HAUS4: variants seen among roughly 807,000 people sequenced by gnomAD.
HAUS4 encodes HAUS augmin-like complex subunit 4.
In HAUS4, 34 loss-of-function variants were observed where a neutral mutation model predicts 50.6. The observed-to-expected ratio is 0.67, with a 90% confidence interval of 0.51 to 0.90. HAUS4 has a LOEUF of 0.90. HAUS4 is among the 40% of genes least tolerant of loss of function. The probability of loss-of-function intolerance (pLI) is 0.00; values close to 1 mark genes in which losing one functional copy is unlikely to be tolerated. For synonymous variants in HAUS4, 149 were observed against 161.4 expected, an observed-to-expected ratio of 0.92 and a Z score of 0.58; for missense variants, 370 against 428.7, an observed-to-expected ratio of 0.86 and a Z score of 1.21.
chr14:22,955,935 G>A (rs900171346), intron 1 of HAUS4, among the ~76,000 whole-genome samples: 1 of 152,162 alleles, frequency 6.6e-6, no homozygotes, highest in Admixed American at 6.5e-5. Context: ...GATGGGCACA[G>A]TTTGACCTCA....
chr14:22,948,441 A>T (rs1171069238), intron 6 of HAUS4, among the ~76,000 whole-genome samples: 116 of 39,962 alleles, frequency 2.9e-3, no homozygotes, highest in East Asian at 0.013. Context: ...CAGAGTTTTT[A>T]AAAAAAAAAA....
rs1402854427 is a variant in HAUS4 at position 22,955,147 on chromosome 14, G to T, written c.8C>A (p.Ser3Tyr). 1 of 1,610,618 alleles carries T rather than the reference G, an allele frequency of 6.2e-7. No individual in the cohort carries two copies. Among genetic ancestry groups the T allele is most frequent in the East Asian group, 2.2e-5 (1 of 44,892 alleles). MA[S>Y]GDFCSPGEGM... ...TTCTCCAGGTGAGCAGAAATCCCCG[G>T]ATGCCATTTGATTTTCTTGGGATTC... Residue 3 changes from serine to tyrosine, a missense_variant, in exon 2 of 10, where the codon TCC becomes TAC. By Grantham distance (144) the Ser-to-Tyr change is moderately radical. Coordinates refer to ENST00000541587, the MANE Select transcript of HAUS4 (RefSeq NM_001166269.2).
intron 1 of HAUS4, among the ~76,000 whole-genome samples, chr14:22,956,561 C>T (rs908039829): frequency 3.3e-5 from 5 of 152,106 alleles, no homozygotes; most frequent in Non-Finnish European, 7.3e-5. Flanking sequence ...GGTTACAGGG[C>T]GTGAACGGCA....
intron 1 of HAUS4, among the ~76,000 whole-genome samples, chr14:22,956,399 T>C (rs1228862655): frequency 6.6e-6 from 1 of 152,252 alleles, no homozygotes; most frequent in East Asian, 1.9e-4. Context: ...CTGTTTATCG[T>C]TGATCTATGA....
intron 6 of HAUS4, chr14:22,948,225 G>T: frequency 1.9e-6 from 1 of 533,328 alleles, no homozygotes; most frequent in Non-Finnish European, 3.3e-6. Context: ...AAGGCAGGAG[G>T]ATTGCTTGAG....
chr14:22,954,976 C>G, intron 2 of HAUS4, 124 bp downstream of exon 2: 1 of 749,960 alleles, frequency 1.3e-6, no homozygotes, highest in Non-Finnish European at 2.4e-6. Flanking sequence ...CCACCCACCT[C>G]AGCCTCCCAA....
intron 6 of HAUS4, 40 bp from the exon 7 acceptor site, chr14:22,948,053 C>A (rs1329005946): frequency 6.5e-7 from 1 of 1,545,124 alleles, no homozygotes; most frequent in Non-Finnish European, 8.7e-7. Context: ...AAACCCTAAT[C>A]GCTACAATCC....
intron 4 of HAUS4, 80 bp from the exon 5 acceptor site, chr14:22,951,769 GT>G: frequency 7.5e-7 from 1 of 1,339,892 alleles, no homozygotes; most frequent in Non-Finnish European, 1.0e-6. Flanking sequence ...TTATGAACCA[GT>G]TTTTCACATA....
chr14:22,952,533 G>A lies in HAUS4; in HGVS notation c.198+8C>T, dbSNP rs763111107. 6.2e-7 allele frequency: 1 copy of A among 1,612,974 alleles called. No individual in the cohort carries two copies. The highest frequency in any genetic ancestry group is 1.3e-5 in the African/African-American group (1 of 74,826). On this transcript the variant is annotated splice_region_variant and intron_variant, in intron 3 of 9. Transcript: ENST00000541587. ...CCTTCTTCTTATCTCTTCTCCCAAA[G>A]CCCTTACCTGAGCCTGCTCCTTTGC...
At chr14:22,952,266 C>T in intron 4 of HAUS4, 62 bp downstream of exon 4, 2 of 1,390,274 alleles carry the variant, frequency 1.4e-6, no homozygotes. Context: ...GATCAGCCTG[C>T]CTGGGGCTCC....
chr14:22,952,898 A>G (rs1291429988), intron 2 of HAUS4, among the ~76,000 whole-genome samples: 3 of 152,198 alleles, frequency 2.0e-5, no homozygotes, highest in Non-Finnish European at 2.9e-5. Context: ...TTAAGGGGGA[A>G]TAAGTAATAA....
Position 22,952,652 on chromosome 14 carries a change from C to A in HAUS4, c.87G>T (p.Leu29=). 1 of 1,610,236 alleles carries A rather than the reference C, an allele frequency of 6.2e-7. No individual in the cohort carries two copies. The highest frequency in any genetic ancestry group is 1.7e-5 in the Admixed American group (1 of 58,902). Residue 29 remains leucine, a synonymous_variant, in exon 3 of 10, where the codon CTG becomes CTT. Coordinates refer to ENST00000541587, the MANE Select transcript of HAUS4 (RefSeq NM_001166269.2). ...VCSKQLPPCN[L]SKEDLLQNPY... is the part of the protein sequence containing the mutation. ...GGTTCTGTAACAGGTCCTCTTTACT[C>A]AGGTTACAAGGAGGAAGTTGTTTGC...
intron 7 of HAUS4, 29 bp downstream of exon 7, chr14:22,947,839 G>T: frequency 6.2e-7 from 1 of 1,611,390 alleles, no homozygotes; most frequent in Non-Finnish European, 8.5e-7. Context: ...CAGGATAAAG[G>T]AAAGGGGCTG....
chr14:22,947,548 G>A lies in HAUS4; in HGVS notation c.839+53C>T, dbSNP rs909132094. On this transcript the variant is annotated intron_variant, in intron 8 of 9. Coordinates refer to ENST00000541587, the MANE Select transcript of HAUS4 (RefSeq NM_001166269.2). ...GAAAGAGATTAGGGTAAGGGATAGA[G>A]GGCTGATAACGTGAGACAGAATCCC... 4.1e-5 allele frequency: 65 copies of A among 1,598,262 alleles called. No individual in the cohort carries two copies. The African/African-American group carries it at 7.8e-4, about 19-fold the overall frequency.
intron 4 of HAUS4, 65 bp downstream of exon 4, chr14:22,952,263 C>T: frequency 7.4e-7 from 1 of 1,356,506 alleles, no homozygotes; most frequent in Non-Finnish European, 1.0e-6. Context: ...AGTGATCAGC[C>T]TGCCTGGGGC....
intron 6 of HAUS4, among the ~76,000 whole-genome samples, chr14:22,948,465 A>G (rs975657009): frequency 0.13 from 4,819 of 38,300 alleles, 1 homozygote; most frequent in East Asian, 0.25. Context: ...GGGGGGGGGG[A>G]GGGCATCTGG....
At chr14:22,948,058 C>G (rs1225530602) in intron 6 of HAUS4, 45 bp from the exon 7 acceptor site, 1 of 1,535,778 alleles carries the variant, frequency 6.5e-7, no homozygotes, top group East Asian at 2.4e-5. Context: ...CTAATCGCTA[C>G]AATCCCTGTA....
intron 5 of HAUS4, 151 bp from the exon 6 acceptor site, chr14:22,950,561 C>T (rs2044734816): frequency 2.3e-5 from 13 of 567,506 alleles, no homozygotes; most frequent in Admixed American, 8.7e-5. Context: ...ATCAAATTAG[C>T]GAAGAATAAA....
chr14:22,949,310 A>ACC (rs1378915721), intron 6 of HAUS4, among the ~76,000 whole-genome samples: 2 of 151,876 alleles, frequency 1.3e-5, no homozygotes, highest in Non-Finnish European at 2.9e-5. Flanking sequence ...TGGGTAGATC[A>ACC]TGAGGTCAGG....
Sources: gnomAD v4.1 joint callset for allele counts (sites outside exome capture counted in the v4.1 genomes callset) on GRCh38, gnomAD v4.1.1 for gene constraint, MANE v1.5 for transcripts, NCBI Gene and HGNC (gene_info 2026-07-23, HGNC 2026-07-21) for gene names.